Variants in SYN3 observed in about 807,000 individuals in gnomAD.
SYN3 encodes synapsin III, also known as synapsin-3.
A neutral mutation model predicts 65.8 loss-of-function variants in SYN3; 35 were observed. The ratio of observed to expected loss-of-function variants is 0.53; its 90% confidence interval spans 0.41 to 0.70. The LOEUF (loss-of-function observed/expected upper bound fraction) is 0.70. Among genes scored for constraint, SYN3 ranks in the 30% least tolerant of loss-of-function variants. The probability of loss-of-function intolerance (pLI) is 0.00; values close to 1 mark genes in which losing one functional copy is unlikely to be tolerated. For synonymous variants in SYN3, 270 were observed against 292.9 expected, an observed-to-expected ratio of 0.92 and a Z score of 0.80; for missense variants, 680 against 749.0, an observed-to-expected ratio of 0.91 and a Z score of 1.08.
intron 1 of SYN3, among the ~76,000 whole-genome samples, chr22:33,026,857 G>A (rs1439642468): frequency 4.6e-5 from 7 of 152,164 alleles, no homozygotes; most frequent in African/African-American, 1.7e-4. Flanking sequence ...TTGAGAAAAC[G>A]TGGCGACTGT....
At chr22:32,922,353 G>T (rs1189244138) in intron 4 of SYN3, among the ~76,000 whole-genome samples, 1 of 152,202 alleles carries the variant, frequency 6.6e-6, no homozygotes, top group Non-Finnish European at 1.5e-5. Flanking sequence ...CTATAAAATG[G>T]TGATTTTAAT....
At chr22:32,546,232 C>G (rs1049766069) in intron 7 of SYN3, among the ~76,000 whole-genome samples, 10 of 152,180 alleles carry the variant, frequency 6.6e-5, no homozygotes, top group African/African-American at 2.4e-4. Context: ...AGTGTTGTCC[C>G]CAGCTGTTGC....
intron 7 of SYN3, among the ~76,000 whole-genome samples, chr22:32,582,093 C>T (rs950982729): frequency 1.5e-4 from 23 of 152,220 alleles, no homozygotes; most frequent in African/African-American, 3.1e-4. Flanking sequence ...CTACCACACC[C>T]GGCCTGAGAA....
At chr22:32,681,607 T>C (rs2060523595) in intron 6 of SYN3, among the ~76,000 whole-genome samples, 1 of 152,210 alleles carries the variant, frequency 6.6e-6, no homozygotes, top group Admixed American at 6.5e-5. Flanking sequence ...AAGACAGTGC[T>C]TTCTCCACCC....
In SYN3 at chr22:32,886,192, G is replaced by C. The variant is rs1382543577; in HGVS notation, c.462-17067C>G. On this transcript the variant is annotated intron_variant, in intron 4 of 13. Transcript: ENST00000358763. ...ATGGGTAAATTTTAAAAATGCAATA[G>C]TAACTCTTAAAATCTGCTACAAGAC... Among the ~76,000 whole-genome samples the C allele has an allele frequency of 3.9e-5, 6 of 152,176 alleles. No individual in the cohort carries two copies. The East Asian group carries it at 1.2e-3, about 29-fold the overall frequency.
intron 4 of SYN3, among the ~76,000 whole-genome samples, chr22:32,912,424 A>G (rs2050075020): frequency 6.6e-6 from 1 of 152,062 alleles, no homozygotes; most frequent in Admixed American, 6.6e-5. Context: ...GTTTTAAAGC[A>G]CTCACTCTTG....
At chr22:32,557,121 T>C (rs982863971) in intron 7 of SYN3, among the ~76,000 whole-genome samples, 1 of 152,222 alleles carries the variant, frequency 6.6e-6, no homozygotes, top group African/African-American at 2.4e-5. Context: ...CTATTTAGAA[T>C]AGTCCTTAAA....
intron 6 of SYN3, among the ~76,000 whole-genome samples, chr22:32,780,145 C>T (rs1236318890): frequency 6.6e-6 from 1 of 151,808 alleles, no homozygotes; most frequent in Non-Finnish European, 1.5e-5. Context: ...GCCTTCTGCC[C>T]TGATCTCTGC....
intron 6 of SYN3, among the ~76,000 whole-genome samples, chr22:32,634,841 G>A (rs933938238): frequency 6.6e-6 from 1 of 152,148 alleles, no homozygotes; most frequent in Non-Finnish European, 1.5e-5. Flanking sequence ...TCCAACTTGT[G>A]GCCCGCCGGC....
chr22:32,979,859 A>G (rs781307005), intron 3 of SYN3, among the ~76,000 whole-genome samples: 2 of 152,208 alleles, frequency 1.3e-5, no homozygotes, highest in Non-Finnish European at 2.9e-5. Flanking sequence ...TCACAAGGTT[A>G]GTAAGGGGCG....
intron 3 of SYN3, among the ~76,000 whole-genome samples, chr22:32,934,456 C>T (rs995827986): frequency 1.3e-5 from 2 of 152,156 alleles, no homozygotes; most frequent in Non-Finnish European, 2.9e-5. Flanking sequence ...CAGGAGATAA[C>T]TGCCTGGGTT....
At chr22:32,822,396 C>T (rs941237124) in intron 6 of SYN3, among the ~76,000 whole-genome samples, 3 of 152,172 alleles carry the variant, frequency 2.0e-5, no homozygotes, top group African/African-American at 4.8e-5. Context: ...CTGGGACTTG[C>T]ACTTCCTATC....
At chr22:32,588,725 C>T (rs888821519) in intron 7 of SYN3, among the ~76,000 whole-genome samples, 11 of 152,106 alleles carry the variant, frequency 7.2e-5, no homozygotes, top group Non-Finnish European at 1.6e-4. Context: ...AGATTTAAAC[C>T]AGGAACCTTG....
rs993012951 is a variant in SYN3 at position 33,018,103 on chromosome 22, C to T, written c.-162-11279G>A. ...GGAGGGTTAGAGACAAGAGGGATAT[C>T]TGGTCTACCTGGCCACTGTGTAGAA... is the stretch of plus-strand genomic sequence containing the variant. On this transcript the variant is annotated intron_variant, in intron 1 of 13. Coordinates refer to ENST00000358763, the MANE Select transcript of SYN3 (RefSeq NM_003490.4). Among the ~76,000 whole-genome samples, 7 of 152,292 alleles carry T rather than the reference C, an allele frequency of 4.6e-5. 1 individual carries two copies. Among genetic ancestry groups the T allele is most frequent in the East Asian group, 3.9e-4 (2 of 5,180 alleles).
At chr22:32,659,530 TAA>T (rs2060188235) in intron 6 of SYN3, among the ~76,000 whole-genome samples, 1 of 152,218 alleles carries the variant, frequency 6.6e-6, no homozygotes, top group African/African-American at 2.4e-5. Context: ...GTGCACCCAG[TAA>T]CTGCATTTGG....
intron 6 of SYN3, among the ~76,000 whole-genome samples, chr22:32,677,157 A>G (rs1021604832): frequency 3.9e-5 from 6 of 152,338 alleles, no homozygotes; most frequent in Non-Finnish European, 7.3e-5. Flanking sequence ...GGAGCTTACC[A>G]GAAGCTTTGA....
chr22:32,565,610 G>A (rs1174416575), intron 7 of SYN3, among the ~76,000 whole-genome samples: 1 of 150,766 alleles, frequency 6.6e-6, no homozygotes, highest in Non-Finnish European at 1.5e-5. Flanking sequence ...TGGAACTCCT[G>A]GGCTCAAGCA....
In SYN3 at chr22:32,538,089, G is replaced by C; in HGVS notation, c.939C>G (p.Asn313Lys). ...KAYMRTSISGNWKANTGSAML... is the reference protein window; with the variant it reads ...KAYMRTSISGKWKANTGSAML... ...TGGCAGAGCCTGTGTTGGCCTTCCA[G>C]TTCCCAGAGATGGAGGTTCTCCTGT... The change falls in exon 9 of 14, where the codon AAC becomes AAG. Residue 313 changes from asparagine (N) to lysine (K), a missense_variant. By Grantham distance (94) the Asn-to-Lys change is moderately conservative (BLOSUM62 0). Transcript: ENST00000358763. 3 of 1,614,158 alleles carry C rather than the reference G, an allele frequency of 1.9e-6. No homozygotes were observed. Among genetic ancestry groups the C allele is most frequent in the Non-Finnish European group, 2.5e-6 (3 of 1,180,010 alleles).
At chr22:32,628,675 G>C (rs1429084952) in intron 6 of SYN3, among the ~76,000 whole-genome samples, 2 of 152,102 alleles carry the variant, frequency 1.3e-5, no homozygotes, top group Admixed American at 1.3e-4. Context: ...TTGAACCTAG[G>C]AGGCAGAGGT....
Sources: gnomAD v4.1 joint callset for allele counts (sites outside exome capture counted in the v4.1 genomes callset) on GRCh38, gnomAD v4.1.1 for gene constraint, MANE v1.5 for transcripts, NCBI Gene and HGNC (gene_info 2026-07-23, HGNC 2026-07-21) for gene names.